Variants in ATP9A observed in about 807,000 individuals in gnomAD.
ATP9A encodes probable phospholipid-transporting ATPase IIA.
Under a neutral mutation model 144.1 loss-of-function variants are expected in ATP9A, and 52 were observed. The ratio of observed to expected loss-of-function variants is 0.36; its 90% confidence interval spans 0.29 to 0.45. The LOEUF (loss-of-function observed/expected upper bound fraction) is 0.45, where lower values mean the gene tolerates loss of function less well. Ranked by LOEUF, ATP9A falls within the 20% of genes least tolerant of loss-of-function variation. The probability of loss-of-function intolerance (pLI) is 1.00; values close to 1 mark genes in which losing one functional copy is unlikely to be tolerated. For synonymous variants in ATP9A, 582 were observed against 557.4 expected (o/e 1.04, Z -0.62); for missense variants, 947 against 1,392.7 (o/e 0.68, Z 5.09).
chr20:51,674,907 G>C (rs1003566105), intron 10 of ATP9A, among the ~76,000 whole-genome samples: 2 of 152,150 alleles, frequency 1.3e-5, no homozygotes, highest in Non-Finnish European at 2.9e-5. Context: ...ACACCTCCTG[G>C]GTTCAAGCGA....
At chr20:51,757,106 G>A (rs892879890) in intron 1 of ATP9A, among the ~76,000 whole-genome samples, 1 of 152,110 alleles carries the variant, frequency 6.6e-6, no homozygotes, top group Admixed American at 6.6e-5. Flanking sequence ...GCAGAGGCCA[G>A]GGATGTTGCT....
intron 13 of ATP9A, 108 bp downstream of exon 13, chr20:51,669,889 T>C (rs2077448583): frequency 2.6e-6 from 2 of 776,510 alleles, no homozygotes; most frequent in East Asian, 5.0e-5. Flanking sequence ...CAATGAATTG[T>C]ACTCTTGAAA....
intron 14 of ATP9A, among the ~76,000 whole-genome samples, chr20:51,650,512 T>TTGTAATCCTAGCACTTTG (rs1568803013): frequency 6.7e-6 from 1 of 150,314 alleles, no homozygotes; most frequent in African/African-American, 2.5e-5. Context: ...CCAGCCTGGG[T>TTGTAATCCTAGCACTTTG]GACAGAGTGA....
Position 51,693,992 on chromosome 20 carries a change from A to G in ATP9A, c.642+16T>C. 1 of 1,609,250 alleles carries G rather than the reference A, an allele frequency of 6.2e-7. No individual in the cohort carries two copies. The highest frequency in any genetic ancestry group is 8.5e-7 in the Non-Finnish European group (1 of 1,177,020). On this transcript the variant is annotated intron_variant, in intron 7 of 27. Coordinates refer to ENST00000338821, the MANE Select transcript of ATP9A (RefSeq NM_006045.3). Reference sequence around the variant, plus strand: ...ATAGGTTGCCCGCATGGGCTTCTGCAGGGAAAGCTACTCACGGCGGCCGTG... The same window carrying G: ...ATAGGTTGCCCGCATGGGCTTCTGCGGGGAAAGCTACTCACGGCGGCCGTG...
At chr20:51,649,912 C>CAAAAAA (rs3029336) in intron 14 of ATP9A, among the ~76,000 whole-genome samples, 2 of 107,738 alleles carry the variant, frequency 1.9e-5, no homozygotes, top group Non-Finnish European at 3.7e-5. Flanking sequence ...GAATCCGTCT[C>CAAAAAA]AAAAAAAAAA....
chr20:51,668,659 T>C (rs1158903248), intron 13 of ATP9A, among the ~76,000 whole-genome samples: 1 of 152,184 alleles, frequency 6.6e-6, no homozygotes, highest in South Asian at 2.1e-4. Context: ...GATTTCTTAA[T>C]AGTGCTAAAG....
At chr20:51,733,684 AT>A (rs1249638341) in intron 1 of ATP9A, among the ~76,000 whole-genome samples, 1 of 140,422 alleles carries the variant, frequency 7.1e-6, no homozygotes, top group African/African-American at 2.6e-5. Context: ...TTTTTTTTTA[AT>A]TTTTTTTTAA....
At chr20:51,725,357 G>A (rs1601129296) in intron 3 of ATP9A, among the ~76,000 whole-genome samples, 1 of 152,004 alleles carries the variant, frequency 6.6e-6, no homozygotes, top group East Asian at 1.9e-4. Context: ...CCTGGCCTCA[G>A]GTAATCCTCC....
rs1179146726 is a variant in ATP9A at position 51,596,626 on chromosome 20, C to CA, written c.*4584dup. 4.6e-5 allele frequency: 7 copies of CA among 151,468 alleles called. No homozygotes were observed. Among genetic ancestry groups the CA allele is most frequent in the Non-Finnish European group, 7.4e-5 (5 of 67,850 alleles). The allele number at this position is 151,468 out of a possible 1,614,324, so 9.4% of individuals were successfully genotyped here. ...TGCATTGATTTGGGGTTTTTTTTGC[C>CA]AAAATCAAAATAATTTTCTGAACTG... On this transcript the variant is annotated 3_prime_UTR_variant, in exon 28 of 28. Coordinates refer to ENST00000338821, the MANE Select transcript of ATP9A (RefSeq NM_006045.3).
In ATP9A at chr20:51,617,498, C is replaced by T; in HGVS notation, c.2407G>A (p.Glu803Lys). 1 of 1,610,656 alleles carries T rather than the reference C, an allele frequency of 6.2e-7. No individual in the cohort carries two copies. Among genetic ancestry groups the T allele is most frequent in the Non-Finnish European group, 8.5e-7 (1 of 1,178,482 alleles). ...IQESDCGVGV[E>K]GKEGKQASLA... ...GAGGGAAACACTCTCACCTTTCCTT[C>T]CACTCCCACGCCGCAGTCAGATTCC... Residue 803 changes from glutamate to lysine, a missense_variant, in exon 22 of 28, where the codon GAA (glutamate) becomes AAA (lysine). Physicochemically the swap from Glu to Lys is moderately conservative, Grantham distance 56 (BLOSUM62 1). Coordinates refer to ENST00000338821, the MANE Select transcript of ATP9A (RefSeq NM_006045.3).
In ATP9A at chr20:51,638,085, AT is replaced by A. The variant is rs1392496605; in HGVS notation, c.1668+1257del. On this transcript the variant is annotated intron_variant, in intron 15 of 27. Transcript: ENST00000338821. ...ATTTCATCATTTTATATATATATAT[AT>A]ATATATATATATATATATATATATA... Among the ~76,000 whole-genome samples the A allele has an allele frequency of 3.1e-4, 10 of 32,522 alleles. 1 individual carries two copies. Among genetic ancestry groups the A allele is most frequent in the Non-Finnish European group, 4.9e-4 (8 of 16,400 alleles). 21.3% of individuals were successfully genotyped at this position (32,522 alleles called of 152,430 possible).
chr20:51,669,850 G>A (rs2077448398), intron 13 of ATP9A, 147 bp downstream of exon 13: 2 of 654,898 alleles, frequency 3.1e-6, no homozygotes, highest in African/African-American at 1.8e-5. Flanking sequence ...AGTGACAGTT[G>A]CTCAACTCTG....
intron 13 of ATP9A, among the ~76,000 whole-genome samples, chr20:51,657,471 A>G (rs1282610246): frequency 6.6e-6 from 1 of 152,086 alleles, no homozygotes; most frequent in Non-Finnish European, 1.5e-5. Flanking sequence ...ACCCCACTGC[A>G]CTGAAAGGGA....
intron 15 of ATP9A, among the ~76,000 whole-genome samples, chr20:51,635,659 C>G (rs1232578778): frequency 6.6e-6 from 1 of 151,408 alleles, no homozygotes; most frequent in African/African-American, 2.4e-5. Context: ...GTTGCTTGAG[C>G]CTGGGAGGTC....
At chr20:51,712,515 A>G (rs1230356320) in intron 4 of ATP9A, among the ~76,000 whole-genome samples, 1 of 152,224 alleles carries the variant, frequency 6.6e-6, no homozygotes, top group East Asian at 1.9e-4. Context: ...ATCTTCATGG[A>G]TGCAGTTATT....
chr20:51,695,044 C>T (rs2077564712), intron 6 of ATP9A, among the ~76,000 whole-genome samples: 2 of 152,226 alleles, frequency 1.3e-5, no homozygotes, highest in South Asian at 2.1e-4. Flanking sequence ...TTTACTTGTA[C>T]TTTAATTCTA....
intron 1 of ATP9A, among the ~76,000 whole-genome samples, chr20:51,741,049 A>T (rs1157341485): frequency 6.6e-6 from 1 of 151,762 alleles, no homozygotes; most frequent in Non-Finnish European, 1.5e-5. Flanking sequence ...TTAATTAAAA[A>T]TAAATTTTAA....
At chr20:51,673,643 GA>G (rs2077465336) in intron 11 of ATP9A, among the ~76,000 whole-genome samples, 1 of 152,182 alleles carries the variant, frequency 6.6e-6, no homozygotes, top group South Asian at 2.1e-4. Flanking sequence ...AAAGATCTCT[GA>G]TTCAAGAAAG....
intron 15 of ATP9A, among the ~76,000 whole-genome samples, chr20:51,636,530 C>A (rs201874419): frequency 6.6e-6 from 1 of 151,096 alleles, no homozygotes; most frequent in Non-Finnish European, 1.5e-5. Context: ...ATGTCCCTCT[C>A]GTCACACCCC....
Sources: gnomAD v4.1 joint callset for allele counts (sites outside exome capture counted in the v4.1 genomes callset) on GRCh38, gnomAD v4.1.1 for gene constraint, MANE v1.5 for transcripts, NCBI Gene and HGNC (gene_info 2026-07-23, HGNC 2026-07-21) for gene names.